The following PLEKHH3 variants were observed in gnomAD, a reference collection of about 807,000 sequenced individuals.
PLEKHH3 encodes the protein pleckstrin homology domain-containing family H member 3.
PLEKHH3 carries 57 observed loss-of-function variants against 77.8 expected under a neutral mutation model. The observed-to-expected ratio is 0.73, with a 90% CI of 0.59 to 0.91. The LOEUF is 0.91. PLEKHH3 is among the 40% of genes least tolerant of loss of function. PLEKHH3 has a pLI of 0.00. For synonymous variants in PLEKHH3, 467 were observed against 504.8 expected, an observed-to-expected ratio of 0.93 and a Z score of 1.00; for missense variants, 1,082 against 1,091.2, an observed-to-expected ratio of 0.99 and a Z score of 0.12.
At chr17:42,669,217 CT>C in intron 12 of PLEKHH3, 1 of 454,714 alleles carries the variant, frequency 2.2e-6, no homozygotes, top group Non-Finnish European at 3.7e-6. Flanking sequence ...TCACATCACT[CT>C]TTCCTTTGTA....
Position 42,676,127 on chromosome 17 carries a change from G to T in PLEKHH3, c.162+275C>A. 7.6e-7 allele frequency: 1 copy of T among 1,316,632 alleles called. No homozygotes were observed. The highest frequency in any genetic ancestry group is 9.7e-7 in the Non-Finnish European group (1 of 1,034,384). The allele number at this position is 1,316,632 out of a possible 1,614,324, so 81.6% of individuals were successfully genotyped here. A position where few individuals can be genotyped will look rare whatever the true frequency, so the allele number is the denominator to read the frequency against. On this transcript the variant is annotated intron_variant, in intron 1 of 12. Coordinates refer to ENST00000591022, the MANE Select transcript of PLEKHH3 (RefSeq NM_024927.5). This position sits in a 1 kb window ranked among gnomAD's most constrained non-coding sequence, Gnocchi z 6.6. Reference sequence around the variant, plus strand: ...ACGCGGGCCCAGCGGGGAAGGGAGAGGCAGGGCCAGGTCGGGCCACGCGTG... The same window carrying T: ...ACGCGGGCCCAGCGGGGAAGGGAGATGCAGGGCCAGGTCGGGCCACGCGTG...
rs370299559 is a variant in PLEKHH3, at chr17:42,671,046, G to T, written c.1369C>A (p.Arg457=). ...ALYEQRGAQE[R]ALAGGTLVAD... ...ACGAGGGTCCCCCCAGCCAGGGCTC[G>T]CTCCTGGGCCCCTCGCTGCTCGTAC... The change falls in exon 9 of 13, where the codon CGA becomes AGA. Residue 457 remains arginine (R), a synonymous_variant. Coordinates refer to ENST00000591022, the MANE Select transcript of PLEKHH3 (RefSeq NM_024927.5). This position sits in a 1 kb window ranked among gnomAD's most constrained non-coding sequence, Gnocchi z 4.7. 3.7e-5 allele frequency: 59 copies of T among 1,610,068 alleles called. 1 individual carries two copies. The East Asian group carries it at 1.3e-3, about 36-fold the overall frequency.
At chr17:42,670,766 T>A (rs1477650532) in intron 9 of PLEKHH3, 61 bp from the exon 10 acceptor site, 18 of 1,568,816 alleles carry the variant, frequency 1.1e-5, no homozygotes, top group Non-Finnish European at 1.4e-5. Flanking sequence ...CGAGGGCAGC[T>A]TGGGGTGGGG....
In PLEKHH3 at chr17:42,676,471, C is replaced by T. The variant is rs1474705139; in HGVS notation, c.93G>A (p.Gly31=). The T allele has an allele frequency of 6.2e-7, 1 of 1,612,832 alleles. No individual in the cohort carries two copies. Among genetic ancestry groups the T allele is most frequent in the Non-Finnish European group, 8.5e-7 (1 of 1,179,754 alleles). ...CCTCGTCCTCGTCCTCGTCCCCGTCCCCGCTAAGCTCGCCGTCCCCGTAGT... is the reference window on the plus strand; with the variant it reads ...CCTCGTCCTCGTCCTCGTCCCCGTCTCCGCTAAGCTCGCCGTCCCCGTAGT... The part of the protein sequence containing the change: ...HRDYGDGELS[G]DGDEDEDEET... The change falls in exon 1 of 13, where the codon GGG becomes GGA. Residue 31 remains glycine, a synonymous_variant. Transcript: ENST00000591022. This position sits in a 1 kb window ranked among gnomAD's most constrained non-coding sequence, Gnocchi z 6.6.
rs2052705013 is a variant in PLEKHH3, at chr17:42,671,620, C to T, written c.1077-62G>A. ...GGCTTTCTTCTCCCCCTCCCTCTTGCCTGCTTCTCTTATAGTTTATTTTAT... is the reference window on the plus strand; with the variant it reads ...GGCTTTCTTCTCCCCCTCCCTCTTGTCTGCTTCTCTTATAGTTTATTTTAT... On this transcript the variant is annotated intron_variant, in intron 7 of 12. Coordinates refer to ENST00000591022, the MANE Select transcript of PLEKHH3 (RefSeq NM_024927.5). The surrounding 1 kb of genome is among the most constrained non-coding windows in gnomAD (Gnocchi z 4.7). The T allele has an allele frequency of 6.8e-7, 1 of 1,480,310 alleles. No homozygotes were observed. Among genetic ancestry groups the T allele is most frequent in the Non-Finnish European group, 9.1e-7 (1 of 1,094,828 alleles). The allele number at this position is 1,480,310 out of a possible 1,614,324, so 91.7% of individuals were successfully genotyped here.
chr17:42,670,678 C>T lies in PLEKHH3; in HGVS notation c.1449G>A (p.Glu483=). 2 of 1,612,894 alleles carry T rather than the reference C, an allele frequency of 1.2e-6. No homozygotes were observed. Among genetic ancestry groups the T allele is most frequent in the Non-Finnish European group, 1.7e-6 (2 of 1,179,702 alleles). ...ENLAAEEAGL[E]DSPDSGWRLC... The stretch of plus-strand genomic sequence containing the variant: ...GTCTCCACCCGGAGTCGGGCGAGTC[C>T]TCCAACCCAGCTTCCTCCGCGGCCA... The change falls in exon 10 of 13, where the codon GAG becomes GAA. Residue 483 remains glutamate, a synonymous_variant. Transcript: ENST00000591022.
Position 42,668,188 on chromosome 17 carries a change from T to C in PLEKHH3, c.2321A>G (p.Gln774Arg), listed in dbSNP as rs145971530. ...QDLPDTSPPS[Q>R]RPGLDEPQGQ... ...CTGGGGCTCGTCCAGGCCCGGGCGC[T>C]GGCTGGGAGGGGAGGTGTCTGGCAG... The change falls in exon 13 of 13, where the codon CAG becomes CGG. Residue 774 changes from glutamine (Q) to arginine (R), a missense_variant. By Grantham distance (43) the Gln-to-Arg change is conservative (BLOSUM62 1). Around this residue, in one of 3 missense-constraint regions of PLEKHH3, gnomAD observed 733 missense variants for 750.0 expected, o/e 0.98. Coordinates refer to ENST00000591022, the MANE Select transcript of PLEKHH3 (RefSeq NM_024927.5). The C allele has an allele frequency of 5.8e-6, 9 of 1,551,454 alleles. No individual in the cohort carries two copies. The African/African-American group carries it at 1.1e-4, about 20-fold the overall frequency.
chr17:42,672,522 G>A, intron 6 of PLEKHH3, 130 bp from the exon 7 acceptor site: 1 of 766,546 alleles, frequency 1.3e-6, no homozygotes. Context: ...GGGAGGGTAC[G>A]AACGACAGGA....
At chr17:42,674,540 G>A (rs973905314) in intron 1 of PLEKHH3, 131 bp from the exon 2 acceptor site, 1 of 755,966 alleles carries the variant, frequency 1.3e-6, no homozygotes, top group Non-Finnish European at 1.9e-6. Context: ...CGTGACTAGG[G>A]TGGAGCACGC....
At chr17:42,670,942 A>T in intron 9 of PLEKHH3, 52 bp downstream of exon 9, 1 of 1,586,180 alleles carries the variant, frequency 6.3e-7, no homozygotes, top group South Asian at 1.1e-5. Context: ...GACTGACCTC[A>T]GCTGAGAAGT....
chr17:42,674,371 G>A lies in PLEKHH3; in HGVS notation c.201C>T (p.Ser67=). ...TAGCTCACCTGTTGGAGACAGGCCC[G>A]CTCCTCACTGGCTGAGTCAGCGTCA... ...LEVTLTQPVR[S]GPVSNRLQSW... Residue 67 remains serine (S), a synonymous_variant, in exon 2 of 13, where the codon AGC becomes AGT. Coordinates refer to ENST00000591022, the MANE Select transcript of PLEKHH3 (RefSeq NM_024927.5). The A allele has an allele frequency of 1.9e-6, 3 of 1,593,084 alleles. No homozygotes were observed. The highest frequency in any genetic ancestry group is 2.6e-6 in the Non-Finnish European group (3 of 1,170,390).
rs1157929963 is a variant in PLEKHH3 at position 42,676,520 on chromosome 17, C to T, written c.44G>A (p.Arg15Gln). 6 of 1,595,428 alleles carry T rather than the reference C, an allele frequency of 3.8e-6. No individual in the cohort carries two copies. Among genetic ancestry groups the T allele is most frequent in the Non-Finnish European group, 4.3e-6 (5 of 1,171,092 alleles). The change falls in exon 1 of 13, where the codon CGA (arginine) becomes CAA (glutamine). Residue 15 changes from arginine (R) to glutamine (Q), a missense_variant. Physicochemically the swap from Arg to Gln is conservative, Grantham distance 43. This residue lies in a region of PLEKHH3 where 344 missense variants were observed against 320.8 expected (regional missense o/e 1.07). Coordinates refer to ENST00000591022, the MANE Select transcript of PLEKHH3 (RefSeq NM_024927.5). The surrounding 1 kb of genome is among the most constrained non-coding windows in gnomAD (Gnocchi z 6.6). ...GGLWWLLCCRRGFTLLHRDYG... is the reference protein window; with the variant it reads ...GGLWWLLCCRQGFTLLHRDYG... ...GTCCCGGTGCAGAAGAGTGAAGCCTCGACGGCAGCAGAGAAGCCACCATAG... is the reference window on the plus strand; with the variant it reads ...GTCCCGGTGCAGAAGAGTGAAGCCTTGACGGCAGCAGAGAAGCCACCATAG...
chr17:42,676,344 G>C lies in PLEKHH3; in HGVS notation c.162+58C>G. The C allele has an allele frequency of 2.5e-6, 4 of 1,599,318 alleles. No homozygotes were observed. The highest frequency in any genetic ancestry group is 1.3e-5 in the African/African-American group (1 of 74,812). Reference sequence around the variant, plus strand: ...TGGCTGGAGGCTGGAGCGGATCAGCGTGACGGCCGGTTACAGCGAGAGTGA... The same window carrying C: ...TGGCTGGAGGCTGGAGCGGATCAGCCTGACGGCCGGTTACAGCGAGAGTGA... On this transcript the variant is annotated intron_variant, in intron 1 of 12. Transcript: ENST00000591022. The surrounding 1 kb of genome is among the most constrained non-coding windows in gnomAD (Gnocchi z 6.6).
At chr17:42,675,814 G>T in intron 1 of PLEKHH3, 1 of 947,972 alleles carries the variant, frequency 1.1e-6, no homozygotes, top group Non-Finnish European at 1.3e-6. Flanking sequence ...ATCCCCTCAG[G>T]GGTTTCCCAG....
intron 10 of PLEKHH3, 82 bp from the exon 11 acceptor site, chr17:42,670,458 A>G (rs1449247276): frequency 6.6e-7 from 1 of 1,512,390 alleles, no homozygotes. Context: ...GAGCAGGTCT[A>G]GGTTCCAGTC....
Position 42,672,265 on chromosome 17 carries a change from C to G in PLEKHH3, c.897G>C (p.Ala299=), listed in dbSNP as rs1235805910. The change falls in exon 7 of 13, where the codon GCG becomes GCC. Residue 299 remains alanine (A), a synonymous_variant. Coordinates refer to ENST00000591022, the MANE Select transcript of PLEKHH3 (RefSeq NM_024927.5). ...GCTGCAGGAAGAGTTCATCCCGGAG[C>G]GCGGGCAAGTCCCGGCAGGTTTGGA... is the stretch of plus-strand genomic sequence containing the variant. The part of the protein sequence containing the change: ...GVLQTCRDLP[A]LRDELFLQLA... The G allele has an allele frequency of 7.1e-6, 11 of 1,550,838 alleles. No individual in the cohort carries two copies. The highest frequency in any genetic ancestry group is 9.6e-6 in the Non-Finnish European group (11 of 1,147,042).
rs987320050 is a variant in PLEKHH3, at chr17:42,676,892, G to C, written c.-329C>G. The C allele has an allele frequency of 6.9e-5, 22 of 318,854 alleles. No homozygotes were observed. The highest frequency in any genetic ancestry group is 4.9e-4 in the African/African-American group (22 of 44,960). The allele number at this position is 318,854 out of a possible 1,614,324, so 19.8% of individuals were successfully genotyped here. On this transcript the variant is annotated 5_prime_UTR_variant, in exon 1 of 13. Transcript: ENST00000591022. The surrounding 1 kb of genome is among the most constrained non-coding windows in gnomAD (Gnocchi z 6.6). ...GGGGGCAGTGTCCGGTGCAGCGTCC[G>C]AGGTGGGCAGTTGTCCAAGCTCCAG... is the stretch of plus-strand genomic sequence containing the variant.
chr17:42,669,509 A>C lies in PLEKHH3; in HGVS notation c.2126T>G (p.Val709Gly), dbSNP rs1427441807. Residue 709 changes from valine to glycine, a missense_variant, in exon 12 of 13, where the codon GTG becomes GGG. Physicochemically the swap from Val to Gly is moderately radical, Grantham distance 109. Coordinates refer to ENST00000591022, the MANE Select transcript of PLEKHH3 (RefSeq NM_024927.5). ...EPIHSVSYGH[V>G]AACQLMGPHT... Reference sequence around the variant, plus strand: ...GGGGCCCATTAGCTGGCAGGCGGCCACATGGCCATAGCTGACACTGTGGAT... The same window carrying C: ...GGGGCCCATTAGCTGGCAGGCGGCCCCATGGCCATAGCTGACACTGTGGAT... 6.2e-7 allele frequency: 1 copy of C among 1,607,300 alleles called. No homozygotes were observed. The highest frequency in any genetic ancestry group is 2.2e-5 in the East Asian group (1 of 44,654).
chr17:42,674,151 C>CT, intron 2 of PLEKHH3, 138 bp from the exon 3 acceptor site: 1 of 1,116,468 alleles, frequency 9.0e-7, no homozygotes, highest in South Asian at 1.5e-5. Context: ...CTGGGCCATT[C>CT]TGACCTCGAA....
Sources: allele counts gnomAD v4.1 joint callset, GRCh38; gene constraint gnomAD v4.1.1; regional missense constraint gnomAD v4.1.1; non-coding constraint Gnocchi (gnomAD v3.1); transcripts MANE v1.5; gene names NCBI Gene and HGNC (gene_info 2026-07-23, HGNC 2026-07-21).